Variants in BLOC1S5 observed in about 807,000 individuals in gnomAD.
BLOC1S5 encodes biogenesis of lysosomal organelles complex 1 subunit 5.
BLOC1S5 carries 27 observed loss-of-function variants against 24.3 expected under a neutral mutation model. The ratio of observed to expected loss-of-function variants is 1.11; its 90% CI spans 0.82 to 1.53. BLOC1S5 has a LOEUF of 1.53. Among genes scored for constraint, BLOC1S5 ranks in the 40% most tolerant of loss-of-function variants. BLOC1S5 has a pLI of 0.00. For synonymous variants in BLOC1S5, 84 were observed against 74.5 expected (o/e 1.13, Z -0.66); for missense variants, 239 against 229.4 (o/e 1.04, Z -0.27).
chr6:8,015,194 T>C lies in BLOC1S5; in HGVS notation c.*455A>G. ...TGGCTTTTTTTTTTGTCTACATTAC[T>C]CATGCAGTAACACTTTATACATCCT... On this transcript the variant is annotated 3_prime_UTR_variant, in exon 5 of 5. Coordinates refer to ENST00000397457, the MANE Select transcript of BLOC1S5 (RefSeq NM_201280.3). The C allele has an allele frequency of 6.5e-6, 1 of 152,678 alleles. No individual in the cohort carries two copies. The highest frequency in any genetic ancestry group is 2.1e-4 in the South Asian group (1 of 4,840). 9.5% of individuals were successfully genotyped at this position (152,678 alleles called of 1,614,324 possible).
Position 8,058,357 on chromosome 6 carries a change from GAAAAAAAAAAAAAAAA to G in BLOC1S5, c.195+4161_195+4176del, listed in dbSNP as rs60827828. Reference sequence around the variant, plus strand: ...CAACACAGTGAGACCCTGTCTCTATGAAAAAAAAAAAAAAAAAAAAAAAAAAAAAAAAAATAGCCGG... The same window carrying G: ...CAACACAGTGAGACCCTGTCTCTATGAAAAAAAAAAAAAAAAAATAGCCGG... On this transcript the variant is annotated intron_variant, in intron 2 of 4. Coordinates refer to ENST00000397457, the MANE Select transcript of BLOC1S5 (RefSeq NM_201280.3). Among the ~76,000 whole-genome samples the G allele has an allele frequency of 9.6e-3, 815 of 84,584 alleles. 11 individuals carry two copies. Among genetic ancestry groups the G allele is most frequent in the East Asian group, 0.075 (131 of 1,746 alleles). 55.5% of individuals were successfully genotyped at this position (84,584 alleles called of 152,430 possible).
At chr6:8,039,013 T>C (rs1763591224) in intron 3 of BLOC1S5, among the ~76,000 whole-genome samples, 1 of 152,240 alleles carries the variant, frequency 6.6e-6, no homozygotes, top group South Asian at 2.1e-4. Context: ...CTTACGTGTT[T>C]ATTGAAGCAC....
At chr6:8,061,984 A>G (rs1459961903) in intron 2 of BLOC1S5, among the ~76,000 whole-genome samples, 1 of 152,232 alleles carries the variant, frequency 6.6e-6, no homozygotes, top group Non-Finnish European at 1.5e-5. Flanking sequence ...AAATAATGTT[A>G]GATTCCTCTG....
chr6:8,056,942 C>T (rs900576991), intron 2 of BLOC1S5, among the ~76,000 whole-genome samples: 4 of 152,180 alleles, frequency 2.6e-5, no homozygotes, highest in Non-Finnish European at 2.9e-5. Flanking sequence ...AAAGGCCTGG[C>T]GTGGTGGCTC....
At position 8,021,755 on chromosome 6, in the gene BLOC1S5, T is replaced by TA. The variant is rs558288264; in HGVS notation, c.384+4611dup. Among the ~76,000 whole-genome samples, 54 of 152,134 alleles carry TA rather than the reference T, an allele frequency of 3.5e-4. No individual in the cohort carries two copies. The Middle Eastern group carries it at 0.014, about 38-fold the overall frequency. On this transcript the variant is annotated intron_variant, in intron 4 of 4. Transcript: ENST00000397457. ...TTATATTATATGAATTTTGCCACAA[T>TA]AAAAAAAATTTAAATCAAGTTTCAG...
rs1247486643 is a variant in BLOC1S5 at position 8,041,130 on chromosome 6, C to T, written c.325+9G>A. 6 of 1,563,228 alleles carry T rather than the reference C, an allele frequency of 3.8e-6. No individual in the cohort carries two copies. Among genetic ancestry groups the T allele is most frequent in the African/African-American group, 1.4e-5 (1 of 72,188 alleles). On this transcript the variant is annotated intron_variant, in intron 3 of 4. Coordinates refer to ENST00000397457, the MANE Select transcript of BLOC1S5 (RefSeq NM_201280.3). ...ATGAAAAGCAATTAAAAAAGAATTG[C>T]TGACTCACATCTCTGGAGAACCTGG...
chr6:8,030,126 G>GA (rs2113536465), intron 3 of BLOC1S5, among the ~76,000 whole-genome samples: 1 of 152,070 alleles, frequency 6.6e-6, no homozygotes, highest in Admixed American at 6.5e-5. Flanking sequence ...GGATAACACA[G>GA]AAAAAAAATT....
At chr6:8,052,630 C>T (rs925785457) in intron 2 of BLOC1S5, among the ~76,000 whole-genome samples, 39 of 151,066 alleles carry the variant, frequency 2.6e-4, no homozygotes, top group African/African-American at 9.0e-4. Flanking sequence ...CGGTGGCTCA[C>T]GCCTGTAATC....
chr6:8,056,609 G>A (rs181467621), intron 2 of BLOC1S5, among the ~76,000 whole-genome samples: 62 of 152,260 alleles, frequency 4.1e-4, no homozygotes, highest in African/African-American at 1.5e-3. Flanking sequence ...ACAAGAAAAT[G>A]GTCTCTCAGT....
chr6:8,058,880 G>C (rs1219006677), intron 2 of BLOC1S5, among the ~76,000 whole-genome samples: 1 of 152,194 alleles, frequency 6.6e-6, no homozygotes, highest in Non-Finnish European at 1.5e-5. Context: ...TCAGATATCT[G>C]TCACTATTAA....
intron 3 of BLOC1S5, among the ~76,000 whole-genome samples, chr6:8,038,490 A>C (rs1171549445): frequency 6.6e-6 from 1 of 151,990 alleles, no homozygotes; most frequent in Admixed American, 6.6e-5. Context: ...TTAATTAATT[A>C]ATTAATTAAT....
At chr6:8,053,419 T>A (rs904175290) in intron 2 of BLOC1S5, among the ~76,000 whole-genome samples, 16 of 152,292 alleles carry the variant, frequency 1.1e-4, no homozygotes, top group Admixed American at 1.0e-3. Context: ...GATCAGTCAG[T>A]CAGCAGCCAT....
chr6:8,018,140 C>G (rs1408047377), intron 4 of BLOC1S5: 1 of 152,206 alleles, frequency 6.6e-6, no homozygotes, highest in Non-Finnish European at 1.5e-5. Context: ...GAGGAGTTTA[C>G]TCATCCAATA....
At chr6:8,054,986 T>C (rs1224050793) in intron 2 of BLOC1S5, among the ~76,000 whole-genome samples, 2 of 152,252 alleles carry the variant, frequency 1.3e-5, no homozygotes, top group Non-Finnish European at 1.5e-5. Context: ...ATTTATGAAA[T>C]ATTTTTAAAT....
In BLOC1S5 at chr6:8,049,908, AT is replaced by A. The variant is rs776320449; in HGVS notation, c.196-8641del. 1.1e-4 allele frequency among the ~76,000 whole-genome samples: 17 copies of A among 152,088 alleles called. No homozygotes were observed. The East Asian group carries it at 3.1e-3, about 28-fold the overall frequency. Reference sequence around the variant, plus strand: ...GTATTCTTTGTAGAGACGGGGTTTCATCATGTTGCCCAGGGCTGGTCTCAAG... The same window carrying A: ...GTATTCTTTGTAGAGACGGGGTTTCACATGTTGCCCAGGGCTGGTCTCAAG... On this transcript the variant is annotated intron_variant, in intron 2 of 4. Transcript: ENST00000397457.
At chr6:8,016,796 G>A (rs1262483404) in intron 4 of BLOC1S5, among the ~76,000 whole-genome samples, 1 of 146,984 alleles carries the variant, frequency 6.8e-6, no homozygotes, top group East Asian at 2.1e-4. Context: ...CGGAAGAACT[G>A]CTTGAACCCA....
chr6:8,027,212 C>A, intron 3 of BLOC1S5: 1 of 329,030 alleles, frequency 3.0e-6, no homozygotes, highest in Non-Finnish European at 6.1e-6. Context: ...CTTACTTTAT[C>A]CAAATAAAGA....
chr6:8,018,917 C>T (rs993508760), intron 4 of BLOC1S5, among the ~76,000 whole-genome samples: 2 of 152,348 alleles, frequency 1.3e-5, no homozygotes, highest in Middle Eastern at 3.4e-3. Flanking sequence ...ACTTTCCCCT[C>T]CATTCCTAGA....
At chr6:8,060,708 C>T (rs77440522) in intron 2 of BLOC1S5, among the ~76,000 whole-genome samples, 1,950 of 152,284 alleles carry the variant, frequency 0.013, 47 homozygotes, top group African/African-American at 0.044. Flanking sequence ...ATAACTCCCA[C>T]ATTTAAGAAC....
Sources: gnomAD v4.1 joint callset for allele counts (sites outside exome capture counted in the v4.1 genomes callset) on GRCh38, gnomAD v4.1.1 for gene constraint, MANE v1.5 for transcripts, NCBI Gene and HGNC (gene_info 2026-07-23, HGNC 2026-07-21) for gene names.